FNDC1: variants seen among roughly 807,000 people sequenced by gnomAD.
FNDC1 encodes the protein fibronectin type III domain-containing protein 1.
FNDC1 carries 96 observed loss-of-function variants against 168.0 expected under a neutral mutation model. The observed-to-expected ratio is 0.57, with a 90% CI of 0.48 to 0.68. The LOEUF is 0.68. Ranked by LOEUF, FNDC1 falls within the 30% of genes least tolerant of loss-of-function variation. The pLI, the probability that FNDC1 is intolerant of heterozygous loss-of-function variation, is 0.00. For synonymous variants in FNDC1, 1,099 were observed against 1,025.9 expected (o/e 1.07, Z -1.36); for missense variants, 2,587 against 2,482.1 (o/e 1.04, Z -0.90).
At chr6:159,249,711 C>G (rs915224203) in intron 16 of FNDC1, among the ~76,000 whole-genome samples, 6 of 152,208 alleles carry the variant, frequency 3.9e-5, no homozygotes, top group African/African-American at 1.4e-4. Context: ...GTAATTAAAA[C>G]AGTTTCAATA....
rs1249048669 is a variant in FNDC1 at position 159,272,020 on chromosome 6, G to GAT, written c.*587_*588dup. The stretch of plus-strand genomic sequence containing the variant: ...ATCTTATTTGTAAATTCTCAATTTT[G>GAT]ATATATATATGTATATATGCATATA... On this transcript the variant is annotated 3_prime_UTR_variant, in exon 23 of 23. Coordinates refer to ENST00000297267, the MANE Select transcript of FNDC1 (RefSeq NM_032532.3). The GAT allele has an allele frequency of 3.3e-5, 5 of 152,960 alleles. No homozygotes were observed. The highest frequency in any genetic ancestry group is 2.6e-4 in the Admixed American group (4 of 15,430). The allele number at this position is 152,960 out of a possible 1,614,324, so 9.5% of individuals were successfully genotyped here. A position where few individuals can be genotyped will look rare whatever the true frequency, so the allele number is the denominator to read the frequency against.
chr6:159,219,272 C>T (rs1199778764), intron 5 of FNDC1, among the ~76,000 whole-genome samples: 1 of 152,212 alleles, frequency 6.6e-6, no homozygotes, highest in Non-Finnish European at 1.5e-5. Context: ...AACTCCTGAC[C>T]TCAAATGATC....
At chr6:159,242,724 C>A (rs904492369) in intron 14 of FNDC1, among the ~76,000 whole-genome samples, 2 of 152,160 alleles carry the variant, frequency 1.3e-5, no homozygotes, top group African/African-American at 2.4e-5. Flanking sequence ...CCATGGAAAC[C>A]ACTAACATAC....
At chr6:159,269,295 TCCATCC>T (rs1777672452) in intron 22 of FNDC1, among the ~76,000 whole-genome samples, 1 of 128,894 alleles carries the variant, frequency 7.8e-6, no homozygotes, top group Non-Finnish European at 1.8e-5. Flanking sequence ...TATCTATCCA[TCCATCC>T]ATCTATCCTA....
chr6:159,244,092 G>A lies in FNDC1; in HGVS notation c.4622-2809G>A, dbSNP rs528386609. ...ACAATGTATTTATTTTTTATCTGGC[G>A]AAAAGCAATAATGAAAAGAAATGAC... On this transcript the variant is annotated intron_variant, in intron 14 of 22. Transcript: ENST00000297267. Among the ~76,000 whole-genome samples the A allele has an allele frequency of 7.2e-5, 11 of 152,170 alleles. No homozygotes were observed. The East Asian group carries it at 1.4e-3, about 19-fold the overall frequency.
chr6:159,197,266 T>A (rs1458678023), intron 1 of FNDC1, among the ~76,000 whole-genome samples, 165 bp from the exon 2 acceptor site: 1 of 152,270 alleles, frequency 6.6e-6, no homozygotes, highest in East Asian at 1.9e-4. Context: ...TTTGTTTTGT[T>A]GTCACACTGT....
rs1469767839 is a variant in FNDC1, at chr6:159,265,055, T to C, written c.5284+51T>C. 54 of 1,470,412 alleles carry C rather than the reference T, an allele frequency of 3.7e-5. No homozygotes were observed. The South Asian group carries it at 5.5e-4, about 15-fold the overall frequency. 91.1% of individuals were successfully genotyped at this position (1,470,412 alleles called of 1,614,324 possible). The stretch of plus-strand genomic sequence containing the variant: ...GACATTCTGGTAATCAAGTTGAATA[T>C]TGAATATGAGATTGTTGTGATTACT... On this transcript the variant is annotated intron_variant, in intron 20 of 22. Transcript: ENST00000297267.
rs1452566401 is a variant in FNDC1 at position 159,206,357 on chromosome 6, T to C, written c.460+5776T>C. On this transcript the variant is annotated intron_variant, in intron 4 of 22. Transcript: ENST00000297267. ...CTTTCTCATGCAGTTATTAGTTTTA[T>C]TTAGTGTGCACTTCACAGGACAAAA... Among the ~76,000 whole-genome samples the C allele has an allele frequency of 2.0e-5, 3 of 152,350 alleles. No homozygotes were observed. The South Asian group carries it at 6.2e-4, about 32-fold the overall frequency.
chr6:159,214,887 G>T (rs751508089), intron 4 of FNDC1, 58 bp from the exon 5 acceptor site: 1 of 1,519,406 alleles, frequency 6.6e-7, no homozygotes. Flanking sequence ...TCATGTGCAT[G>T]ATGGCAAACT....
At chr6:159,243,649 T>C (rs550516735) in intron 14 of FNDC1, among the ~76,000 whole-genome samples, 1 of 152,328 alleles carries the variant, frequency 6.6e-6, no homozygotes, top group South Asian at 2.1e-4. Flanking sequence ...TGGTGCTGAG[T>C]TGACTTGTAA....
rs1168980409 is a variant in FNDC1, at chr6:159,269,241, C to CA, written c.5569+1315_5569+1316insA. 7.2e-5 allele frequency among the ~76,000 whole-genome samples: 9 copies of CA among 124,710 alleles called. No homozygotes were observed. In the East Asian group the frequency reaches 2.5e-3, roughly 35 times the overall value. The allele number at this position is 124,710 out of a possible 152,430, so 81.8% of individuals were successfully genotyped here. On this transcript the variant is annotated intron_variant, in intron 22 of 22. Transcript: ENST00000297267. ...TCTATCTATCTATCTATCTATCTAT[C>CA]TATCTATCCATCTATCATCTATCTA...
At chr6:159,243,555 T>C (rs188379633) in intron 14 of FNDC1, among the ~76,000 whole-genome samples, 2 of 152,290 alleles carry the variant, frequency 1.3e-5, no homozygotes, top group Non-Finnish European at 2.9e-5. Flanking sequence ...GTCTACTTGA[T>C]AAACTACTGA....
intron 13 of FNDC1, 36 bp downstream of exon 13, chr6:159,238,701 C>A: frequency 7.5e-7 from 1 of 1,327,594 alleles, no homozygotes; most frequent in African/African-American, 1.5e-5. Flanking sequence ...TAAAAGCCTA[C>A]TGAATTAGCC....
chr6:159,169,789 T>A lies in FNDC1; in HGVS notation c.109+84T>A. 1 of 447,652 alleles carries A rather than the reference T, an allele frequency of 2.2e-6. No individual in the cohort carries two copies. The highest frequency in any genetic ancestry group is 7.1e-5 in the East Asian group (1 of 14,060). 27.7% of individuals were successfully genotyped at this position (447,652 alleles called of 1,614,324 possible). ...CGGGCCCCGTCGTCCCGCTCAGTGC[T>A]GGCTACGGGTCGTGTCACTAGCCTG... On this transcript the variant is annotated intron_variant, in intron 1 of 22. Coordinates refer to ENST00000297267, the MANE Select transcript of FNDC1 (RefSeq NM_032532.3). This position sits in a 1 kb window ranked among gnomAD's most constrained non-coding sequence, Gnocchi z 6.8.
chr6:159,266,680 G>GTTT (rs10616860), intron 21 of FNDC1, among the ~76,000 whole-genome samples: 5 of 144,076 alleles, frequency 3.5e-5, no homozygotes, highest in Admixed American at 2.0e-4. Context: ...GAAATCTAGG[G>GTTT]TTTTTTTTTT....
chr6:159,176,095 C>A (rs1335254394), intron 1 of FNDC1, among the ~76,000 whole-genome samples: 2 of 152,152 alleles, frequency 1.3e-5, no homozygotes, highest in Admixed American at 1.3e-4. Flanking sequence ...GTGTCACGTC[C>A]CTTCATCTGG....
chr6:159,222,052 G>T (rs1028818629), intron 6 of FNDC1, among the ~76,000 whole-genome samples: 2 of 152,182 alleles, frequency 1.3e-5, no homozygotes, highest in African/African-American at 4.8e-5. Context: ...GCAGGCGGGA[G>T]GTGGTGCATG....
chr6:159,251,291 T>C lies in FNDC1; in HGVS notation c.4835-11T>C. 6.2e-7 allele frequency: 1 copy of C among 1,606,654 alleles called. No individual in the cohort carries two copies. The highest frequency in any genetic ancestry group is 1.1e-5 in the South Asian group (1 of 90,516). ...CCAGCAATCCAATTGGTTATCTCTGTTCTTTTCCAGCTCCTTACGTGACGT... is the reference window on the plus strand; with the variant it reads ...CCAGCAATCCAATTGGTTATCTCTGCTCTTTTCCAGCTCCTTACGTGACGT... On this transcript the variant is annotated splice_polypyrimidine_tract_variant and intron_variant, in intron 16 of 22. Coordinates refer to ENST00000297267, the MANE Select transcript of FNDC1 (RefSeq NM_032532.3).
At chr6:159,236,115 T>A (rs565356519) in intron 11 of FNDC1, 100 bp from the exon 12 acceptor site, 1 of 705,116 alleles carries the variant, frequency 1.4e-6, no homozygotes, top group Non-Finnish European at 2.4e-6. Flanking sequence ...GAGCTTCTAT[T>A]TGAAATGATG....
Sources: gnomAD v4.1 joint callset for allele counts (sites outside exome capture counted in the v4.1 genomes callset) on GRCh38, gnomAD v4.1.1 for gene constraint, Gnocchi (gnomAD v3.1) non-coding constraint, MANE v1.5 for transcripts, NCBI Gene and HGNC (gene_info 2026-07-23, HGNC 2026-07-21) for gene names.